FOXP1: variants seen among roughly 807,000 people sequenced by gnomAD.
FOXP1 encodes forkhead box P1.
In FOXP1, 15 loss-of-function variants were observed where a neutral mutation model predicts 98.2. The observed-to-expected ratio is 0.15, with a 90% CI of 0.10 to 0.24. The LOEUF (loss-of-function observed/expected upper bound fraction) is 0.24, where lower values mean the gene tolerates loss of function less well. Among genes scored for constraint, FOXP1 ranks in the 10% least tolerant of loss-of-function variants. FOXP1 has a pLI of 1.00. For missense variants in FOXP1, 633 were observed against 848.5 expected (o/e 0.75, Z 3.15); for synonymous variants, 371 against 314.5 (o/e 1.18, Z -1.90).
chr3:71,285,610 T>C lies in FOXP1; in HGVS notation c.-12+14210A>G, dbSNP rs147266482. 2.7e-4 allele frequency among the ~76,000 whole-genome samples: 41 copies of C among 152,312 alleles called. No individual in the cohort carries two copies. In the East Asian group the frequency reaches 6.7e-3, roughly 25 times the overall value. On this transcript the variant is annotated intron_variant, in intron 5 of 20. Coordinates refer to ENST00000649528, the MANE Select transcript of FOXP1 (RefSeq NM_001349338.3). ...TTAACATAGCTTAGAGAAGAGAATA[T>C]TAGAAATTAAATCCGAGAAAGGGTC...
Position 71,523,161 on chromosome 3 carries a change from G to A in FOXP1, c.-297-29606C>T, listed in dbSNP as rs2163732. Among the ~76,000 whole-genome samples the A allele has an allele frequency of 1.5e-3, 225 of 152,248 alleles. 4 individuals carry two copies. In the East Asian group the frequency reaches 0.039, roughly 26 times the overall value. ...AGATGAAGGCAGAGATCGAGGCAAC[G>A]CTCCTACAAGTCAAGGAATGGCAAA... On this transcript the variant is annotated intron_variant, in intron 2 of 20. Transcript: ENST00000649528.
chr3:71,068,603 T>G (rs537338196), intron 7 of FOXP1, among the ~76,000 whole-genome samples: 46 of 152,320 alleles, frequency 3.0e-4, no homozygotes, highest in African/African-American at 1.0e-3. Flanking sequence ...GCCAAAACCT[T>G]AATTCAAGTT....
chr3:71,075,435 ACTT>A (rs1442683465), intron 7 of FOXP1, among the ~76,000 whole-genome samples: 2 of 152,194 alleles, frequency 1.3e-5, no homozygotes, highest in Non-Finnish European at 2.9e-5. Context: ...AGTTTCTTAG[ACTT>A]CTTATTTTTT....
intron 3 of FOXP1, among the ~76,000 whole-genome samples, chr3:71,384,652 C>CAGCA (rs2080432912): frequency 2.0e-5 from 3 of 152,206 alleles, no homozygotes; most frequent in African/African-American, 7.2e-5. Flanking sequence ...TGAGGACCTG[C>CAGCA]AGCATCTTAT....
chr3:71,051,162 T>G (rs2049835981), intron 9 of FOXP1, among the ~76,000 whole-genome samples: 1 of 152,238 alleles, frequency 6.6e-6, no homozygotes, highest in African/African-American at 2.4e-5. Flanking sequence ...CTTCCCTCCC[T>G]GTGCCATTTC....
intron 3 of FOXP1, among the ~76,000 whole-genome samples, chr3:71,419,234 C>CAA (rs36072859): frequency 5.2e-4 from 25 of 47,822 alleles, no homozygotes; most frequent in East Asian, 5.5e-3. Context: ...GACTCCATCT[C>CAA]AAAAAAAAAA....
At chr3:71,582,346 G>C in intron 1 of FOXP1, 1 of 968,348 alleles carries the variant, frequency 1.0e-6, no homozygotes, top group Non-Finnish European at 1.2e-6. Context: ...GCGACCCCGC[G>C]GCAACTGGCA....
intron 11 of FOXP1, among the ~76,000 whole-genome samples, chr3:71,033,811 C>G (rs1410708334): frequency 6.6e-6 from 1 of 152,140 alleles, no homozygotes; most frequent in Non-Finnish European, 1.5e-5. Context: ...CATCACAGTT[C>G]TTCAAAGCAC....
intron 11 of FOXP1, among the ~76,000 whole-genome samples, chr3:71,030,337 T>A (rs1224034893): frequency 6.6e-6 from 1 of 152,222 alleles, no homozygotes; most frequent in Non-Finnish European, 1.5e-5. Flanking sequence ...GCTTCTGATG[T>A]GCCCTTAGAT....
At chr3:71,001,500 T>C (rs2042122170) in intron 12 of FOXP1, among the ~76,000 whole-genome samples, 1 of 151,854 alleles carries the variant, frequency 6.6e-6, no homozygotes, top group Non-Finnish European at 1.5e-5. Flanking sequence ...TGCATTCACG[T>C]GAATGTCAGA....
intron 5 of FOXP1, among the ~76,000 whole-genome samples, chr3:71,231,779 C>G (rs2066308448): frequency 6.6e-6 from 1 of 152,160 alleles, no homozygotes; most frequent in Admixed American, 6.5e-5. Flanking sequence ...GTAGATTCAA[C>G]TAGATTATGG....
At chr3:71,433,611 C>T (rs1409027362) in intron 3 of FOXP1, among the ~76,000 whole-genome samples, 1 of 152,126 alleles carries the variant, frequency 6.6e-6, no homozygotes, top group African/African-American at 2.4e-5. Context: ...AACGTGCATG[C>T]TATACAAACA....
chr3:71,119,782 A>G (rs2058626881), intron 6 of FOXP1, among the ~76,000 whole-genome samples: 1 of 152,200 alleles, frequency 6.6e-6, no homozygotes, highest in Admixed American at 6.5e-5. Context: ...GAAGGAATTA[A>G]GGGTTGTGAC....
chr3:71,392,330 A>G (rs2081095563), intron 3 of FOXP1, among the ~76,000 whole-genome samples: 1 of 152,254 alleles, frequency 6.6e-6, no homozygotes, highest in Non-Finnish European at 1.5e-5. Context: ...GGAAGAGGTC[A>G]CAGTGACAGA....
intron 3 of FOXP1, among the ~76,000 whole-genome samples, chr3:71,479,255 A>G (rs2090089748): frequency 6.6e-6 from 1 of 152,222 alleles, no homozygotes; most frequent in Admixed American, 6.5e-5. Flanking sequence ...ATTCCAGCAT[A>G]CTAAAGTTTC....
intron 2 of FOXP1, among the ~76,000 whole-genome samples, chr3:71,550,569 G>A (rs1205307040): frequency 6.6e-6 from 1 of 152,168 alleles, no homozygotes; most frequent in Non-Finnish European, 1.5e-5. Context: ...AGCCATGGAA[G>A]CATGTGCTGA....
chr3:71,057,582 T>C (rs1404619999), intron 7 of FOXP1, among the ~76,000 whole-genome samples: 1 of 152,008 alleles, frequency 6.6e-6, no homozygotes, highest in Non-Finnish European at 1.5e-5. Flanking sequence ...TATGAAGAAC[T>C]AGAATGATTC....
intron 11 of FOXP1, among the ~76,000 whole-genome samples, chr3:71,024,576 C>A (rs894720444): frequency 2.6e-5 from 4 of 152,106 alleles, no homozygotes; most frequent in Admixed American, 6.5e-5. Flanking sequence ...GCAGGGAATC[C>A]TTGACTCTCC....
At chr3:70,972,418 T>A in intron 18 of FOXP1, 137 bp downstream of exon 18, 1 of 1,284,352 alleles carries the variant, frequency 7.8e-7, no homozygotes, top group South Asian at 1.2e-5. Flanking sequence ...AGGGATGAAA[T>A]GCTTTTTTGC....
Sources: allele counts gnomAD v4.1 joint callset (sites outside exome capture counted in the v4.1 genomes callset), GRCh38; gene constraint gnomAD v4.1.1; transcripts MANE v1.5; gene names NCBI Gene and HGNC (gene_info 2026-07-23, HGNC 2026-07-21).